Variants in CAND1 observed in about 807,000 individuals in gnomAD.
CAND1 encodes the protein cullin-associated NEDD8-dissociated protein 1.
In CAND1, 7 loss-of-function variants were observed where a neutral mutation model predicts 108.5. That is an observed-to-expected ratio of 0.06 (90% confidence interval 0.04 to 0.12). The LOEUF is 0.12. Ranked by LOEUF, CAND1 falls within the 10% of genes least tolerant of loss-of-function variation. The pLI, the probability that CAND1 is intolerant of heterozygous loss-of-function variation, is 1.00. For synonymous variants in CAND1, 534 were observed against 512.0 expected (o/e 1.04, Z -0.58); for missense variants, 941 against 1,448.7 (o/e 0.65, Z 5.69).
intron 1 of CAND1, 120 bp downstream of exon 1, chr12:67,269,905 TC>T: frequency 1.3e-6 from 1 of 760,986 alleles, no homozygotes; most frequent in Non-Finnish European, 2.1e-6. Flanking sequence ...CCCCGAAGTC[TC>T]CAGCCCACCG....
At chr12:67,288,274 G>A (rs991013348) in intron 2 of CAND1, among the ~76,000 whole-genome samples, 1 of 151,594 alleles carries the variant, frequency 6.6e-6, no homozygotes, top group Non-Finnish European at 1.5e-5. Flanking sequence ...GGTTACAGGC[G>A]CACACCATCT....
chr12:67,307,376 T>C (rs749364385), intron 10 of CAND1, 21 bp from the exon 11 acceptor site: 4 of 1,578,094 alleles, frequency 2.5e-6, no homozygotes, highest in Non-Finnish European at 3.5e-6. Context: ...ACCAATAGAC[T>C]TGCAATTTAT....
Position 67,305,626 on chromosome 12 carries a change from C to G in CAND1, c.1958C>G (p.Pro653Arg), listed in dbSNP as rs148465905. 117 of 1,614,004 alleles carry G rather than the reference C, an allele frequency of 7.2e-5. No homozygotes were observed. The highest frequency in any genetic ancestry group is 8.5e-5 in the Non-Finnish European group (100 of 1,180,016). Residue 653 changes from proline to arginine, a missense_variant, in exon 10 of 15, where the codon CCT becomes CGT. This residue lies in a region of CAND1 where 697 missense variants were observed against 942.0 expected (regional missense o/e 0.74). Transcript: ENST00000545606. The surrounding 1 kb of genome is among the most constrained non-coding windows in gnomAD (Gnocchi z 4.4). Reference protein sequence around the residue: ...DLRPVLGEGVPILASFLRKNQ... With the variant: ...DLRPVLGEGVRILASFLRKNQ... ...AGGCCTGTTCTGGGAGAAGGGGTTC[C>G]TATCCTTGCTTCATTTCTTAGAAAA...
rs555988282 is a variant in CAND1 at position 67,317,300 on chromosome 12, T to A, written c.*4470T>A. On this transcript the variant is annotated 3_prime_UTR_variant, in exon 15 of 15. Coordinates refer to ENST00000545606, the MANE Select transcript of CAND1 (RefSeq NM_018448.5). Reference sequence around the variant, plus strand: ...ATAGGTGTGTGCCACCACGTCCAGCTAATTTTTTTATTTCCTTGTGGAGAT... The same window carrying A: ...ATAGGTGTGTGCCACCACGTCCAGCAAATTTTTTTATTTCCTTGTGGAGAT... 5 of 152,122 alleles carry A rather than the reference T, an allele frequency of 3.3e-5. No homozygotes were observed. In the East Asian group the frequency reaches 9.7e-4, roughly 30 times the overall value. 9.4% of individuals were successfully genotyped at this position (152,122 alleles called of 1,614,324 possible).
chr12:67,298,033 A>G (rs1014038102), intron 6 of CAND1, among the ~76,000 whole-genome samples, 180 bp downstream of exon 6: 2 of 152,170 alleles, frequency 1.3e-5, no homozygotes, highest in Non-Finnish European at 2.9e-5. Flanking sequence ...TTTATTTTGA[A>G]AATTTTCCTT....
At chr12:67,277,800 GTA>G (rs1424951059) in intron 1 of CAND1, among the ~76,000 whole-genome samples, 4 of 152,160 alleles carry the variant, frequency 2.6e-5, no homozygotes, top group Non-Finnish European at 4.4e-5. Flanking sequence ...AGAATCAACT[GTA>G]TGTCATTTTT....
intron 3 of CAND1, among the ~76,000 whole-genome samples, chr12:67,294,540 A>C (rs1312056090): frequency 6.6e-6 from 1 of 152,222 alleles, no homozygotes; most frequent in Non-Finnish European, 1.5e-5. Context: ...CAAGCTCTAC[A>C]GCTACTACTG....
At position 67,318,906 on chromosome 12, in the gene CAND1, A is replaced by C. The variant is rs1009675106; in HGVS notation, c.*6076A>C. ...CAGAAACAATTCATAAAGGAGATGAAATGTCTTGAGGAATGAGCTCTTAGA... is the reference window on the plus strand; with the variant it reads ...CAGAAACAATTCATAAAGGAGATGACATGTCTTGAGGAATGAGCTCTTAGA... On this transcript the variant is annotated 3_prime_UTR_variant, in exon 15 of 15. Coordinates refer to ENST00000545606, the MANE Select transcript of CAND1 (RefSeq NM_018448.5). 6 of 152,230 alleles carry C rather than the reference A, an allele frequency of 3.9e-5. No individual in the cohort carries two copies. Among genetic ancestry groups the C allele is most frequent in the African/African-American group, 1.4e-4 (6 of 41,456 alleles). 9.4% of individuals were successfully genotyped at this position (152,230 alleles called of 1,614,324 possible).
intron 2 of CAND1, among the ~76,000 whole-genome samples, chr12:67,284,452 G>T (rs1299722037): frequency 6.6e-6 from 1 of 152,022 alleles, no homozygotes; most frequent in Admixed American, 6.6e-5. Flanking sequence ...AAACTATCTG[G>T]TTAGTTGTCA....
At chr12:67,287,316 GT>G (rs1260615209) in intron 2 of CAND1, among the ~76,000 whole-genome samples, 2 of 152,250 alleles carry the variant, frequency 1.3e-5, no homozygotes, top group East Asian at 3.9e-4. Context: ...GAGTAGTTTA[GT>G]TTTTTAGGTC....
At position 67,314,702 on chromosome 12, in the gene CAND1, AGTTT is replaced by A. The variant is rs1236804193; in HGVS notation, c.*1881_*1884del. ...AAATACTTCAACTGGCTTTTTCTTC[AGTTT>A]GTTTGTTTTTAACTTTCAAGATGCA... On this transcript the variant is annotated 3_prime_UTR_variant, in exon 15 of 15. Transcript: ENST00000545606. The A allele has an allele frequency of 1.3e-5, 2 of 151,972 alleles. No individual in the cohort carries two copies. Among genetic ancestry groups the A allele is most frequent in the South Asian group, 4.1e-4 (2 of 4,826 alleles). 9.4% of individuals were successfully genotyped at this position (151,972 alleles called of 1,614,324 possible).
intron 2 of CAND1, among the ~76,000 whole-genome samples, chr12:67,285,913 G>T (rs572246843): frequency 2.0e-5 from 3 of 152,194 alleles, no homozygotes; most frequent in South Asian, 4.2e-4. Flanking sequence ...TATTCATTTG[G>T]TTTCTTTCAT....
chr12:67,296,360 A>G (rs972027687), intron 4 of CAND1, among the ~76,000 whole-genome samples: 7 of 152,214 alleles, frequency 4.6e-5, no homozygotes, highest in African/African-American at 7.2e-5. Flanking sequence ...AGAGAAGGTC[A>G]GTTTTTTAGT....
intron 2 of CAND1, among the ~76,000 whole-genome samples, chr12:67,290,635 C>G (rs538330856): frequency 1.1e-4 from 16 of 152,136 alleles, no homozygotes; most frequent in Non-Finnish European, 1.8e-4. Context: ...TAGTGAATGC[C>G]TTCATTTCAT....
chr12:67,318,376 C>T lies in CAND1; in HGVS notation c.*5546C>T, dbSNP rs2045029155. On this transcript the variant is annotated 3_prime_UTR_variant, in exon 15 of 15. Coordinates refer to ENST00000545606, the MANE Select transcript of CAND1 (RefSeq NM_018448.5). ...GTTAGACTTGGGCAAATAATTTAAC[C>T]TCAACTTTCCCTATCTATAAAATGG... The T allele has an allele frequency of 6.6e-6, 1 of 152,180 alleles. No individual in the cohort carries two copies. The highest frequency in any genetic ancestry group is 1.5e-5 in the Non-Finnish European group (1 of 68,038). 9.4% of individuals were successfully genotyped at this position (152,180 alleles called of 1,614,324 possible). A position where few individuals can be genotyped will look rare whatever the true frequency, so the allele number is the denominator to read the frequency against.
At chr12:67,279,828 G>A (rs1291871533) in intron 1 of CAND1, among the ~76,000 whole-genome samples, 1 of 152,132 alleles carries the variant, frequency 6.6e-6, no homozygotes, top group African/African-American at 2.4e-5. Context: ...TTGGGATTAT[G>A]TTTTTCTACT....
intron 4 of CAND1, among the ~76,000 whole-genome samples, chr12:67,296,655 G>A (rs1143956): frequency 0.49 from 74,477 of 151,846 alleles, 19,569 homozygotes; most frequent in Non-Finnish European, 0.59. Flanking sequence ...GGGTGGTCTC[G>A]AACGCCTAAC....
At chr12:67,311,666 A>G in intron 13 of CAND1, 27 bp from the exon 14 acceptor site, 1 of 1,369,694 alleles carries the variant, frequency 7.3e-7, no homozygotes. Flanking sequence ...TGTCAAATCT[A>G]AATTCTGTCT....
intron 2 of CAND1, among the ~76,000 whole-genome samples, chr12:67,285,860 C>T (rs1396816108): frequency 3.3e-5 from 5 of 152,274 alleles, no homozygotes; most frequent in Admixed American, 2.0e-4. Flanking sequence ...ATTAGTAGTT[C>T]ATGCCTTTTT....
Sources: allele counts gnomAD v4.1 joint callset (sites outside exome capture counted in the v4.1 genomes callset), GRCh38; gene constraint gnomAD v4.1.1; regional missense constraint gnomAD v4.1.1; non-coding constraint Gnocchi (gnomAD v3.1); transcripts MANE v1.5; gene names NCBI Gene and HGNC (gene_info 2026-07-23, HGNC 2026-07-21).